The following FAM118A variants were observed in gnomAD, a reference collection of about 807,000 sequenced individuals.
The protein encoded by FAM118A is SIR2 antiphage like 2.
Under a neutral mutation model 38.2 loss-of-function variants are expected in FAM118A, and 25 were observed. The observed-to-expected ratio is 0.65, with a 90% CI of 0.48 to 0.91. The LOEUF (loss-of-function observed/expected upper bound fraction) is 0.91. Among genes scored for constraint, FAM118A ranks in the 40% least tolerant of loss-of-function variants. The pLI, the probability that FAM118A is intolerant of heterozygous loss-of-function variation, is 0.00. For missense variants in FAM118A, 425 were observed against 463.3 expected (o/e 0.92, Z 0.76); for synonymous variants, 178 against 184.1 (o/e 0.97, Z 0.27).
intron 3 of FAM118A, among the ~76,000 whole-genome samples, chr22:45,326,144 C>T (rs1739438491): frequency 6.6e-6 from 1 of 152,140 alleles, no homozygotes; most frequent in Admixed American, 6.5e-5. Flanking sequence ...GGGAGCCGGG[C>T]AGAGGGGACC....
intron 1 of FAM118A, among the ~76,000 whole-genome samples, chr22:45,310,846 G>A (rs898858153): frequency 2.6e-5 from 4 of 151,870 alleles, no homozygotes; most frequent in Non-Finnish European, 5.9e-5. Flanking sequence ...CGGCCGAACC[G>A]GGGAGGGAGC....
chr22:45,314,111 C>G (rs966029523), intron 1 of FAM118A, among the ~76,000 whole-genome samples: 9 of 152,176 alleles, frequency 5.9e-5, no homozygotes, highest in African/African-American at 2.2e-4. Flanking sequence ...TGTATCCTAC[C>G]TCCTTCCCCC....
At chr22:45,311,563 T>C (rs547279866) in intron 1 of FAM118A, among the ~76,000 whole-genome samples, 1 of 151,866 alleles carries the variant, frequency 6.6e-6, no homozygotes. Context: ...AAAGAGGGTG[T>C]GATTCTGAGA....
rs747561019 is a variant in FAM118A, at chr22:45,327,842, C to T, written c.301C>T (p.Arg101Cys). ...AHDLIRKMSP[R>C]TGDAKPSFFQ... ...TAACTGTCGTTCCACCTTTTTGTAGCGCACAGGCGATGCCAAGCCCAGCTT... is the reference window on the plus strand; with the variant it reads ...TAACTGTCGTTCCACCTTTTTGTAGTGCACAGGCGATGCCAAGCCCAGCTT... Residue 101 changes from arginine (R) to cysteine (C), a missense_variant and splice_region_variant, in exon 4 of 9, where the codon CGC (arginine) becomes TGC (cysteine). Coordinates refer to ENST00000441876, the MANE Select transcript of FAM118A (RefSeq NM_017911.4). 1.9e-5 allele frequency: 30 copies of T among 1,614,154 alleles called. No homozygotes were observed. The highest frequency in any genetic ancestry group is 2.2e-5 in the East Asian group (1 of 44,888).
In FAM118A at chr22:45,336,382, T is replaced by C; in HGVS notation, c.1025T>C (p.Val342Ala). The C allele has an allele frequency of 6.2e-7, 1 of 1,614,080 alleles. No homozygotes were observed. Among genetic ancestry groups the C allele is most frequent in the Non-Finnish European group, 8.5e-7 (1 of 1,179,944 alleles). ...AAGTTAGAAGAGAATGGAATTGAAG[T>C]TTCAAAAAAACGCACACAATCAGAT... Reference protein sequence around the residue: ...KRKLEENGIEVSKKRTQSDTD... With the variant: ...KRKLEENGIEASKKRTQSDTD... Residue 342 changes from valine to alanine, a missense_variant, in exon 8 of 9, where the codon GTT (valine) becomes GCT (alanine). Coordinates refer to ENST00000441876, the MANE Select transcript of FAM118A (RefSeq NM_017911.4).
intron 1 of FAM118A, 91 bp from the exon 2 acceptor site, chr22:45,322,279 AT>A (rs1282944084): frequency 6.3e-7 from 1 of 1,584,730 alleles, no homozygotes; most frequent in Non-Finnish European, 8.6e-7. Context: ...AGGACCTTTG[AT>A]TTTAATTCTA....
rs538686787 is a variant in FAM118A, at chr22:45,323,838, T to C, written c.300+411T>C. On this transcript the variant is annotated intron_variant, in intron 3 of 8. Transcript: ENST00000441876. ...ATCTGAAGATGGGAGAAGTTCCAGCTTCTTTGTCTGCTGCAGAGATGATCT... is the reference window on the plus strand; with the variant it reads ...ATCTGAAGATGGGAGAAGTTCCAGCCTCTTTGTCTGCTGCAGAGATGATCT... Among the ~76,000 whole-genome samples the C allele has an allele frequency of 1.1e-4, 17 of 152,374 alleles. No individual in the cohort carries two copies. The South Asian group carries it at 1.2e-3, about 11-fold the overall frequency.
chr22:45,330,350 A>G, intron 4 of FAM118A: 1 of 244,202 alleles, frequency 4.1e-6, no homozygotes, highest in Non-Finnish European at 7.8e-6. Flanking sequence ...TCATGGGACC[A>G]GCATGACTGG....
chr22:45,323,177 A>G lies in FAM118A; in HGVS notation c.50A>G (p.Lys17Arg). Residue 17 changes from lysine to arginine, a missense_variant and splice_region_variant, in exon 3 of 9, where the codon AAG (lysine) becomes AGG (arginine). Lys to Arg is a conservative substitution (Grantham distance 26, BLOSUM62 2). Coordinates refer to ENST00000441876, the MANE Select transcript of FAM118A (RefSeq NM_017911.4). ...TTNRSEQKSR[K>R]FLKSLIRKQP... ...CTTGCTCCCTTCTTTTCAAGTAGAA[A>G]GTTTTTAAAAAGCCTCATCCGGAAA... The G allele has an allele frequency of 6.2e-7, 1 of 1,607,980 alleles. No individual in the cohort carries two copies. The highest frequency in any genetic ancestry group is 8.5e-7 in the Non-Finnish European group (1 of 1,175,114).
intron 5 of FAM118A, 50 bp downstream of exon 5, chr22:45,330,781 T>G: frequency 6.9e-7 from 1 of 1,455,454 alleles, no homozygotes; most frequent in Non-Finnish European, 9.1e-7. Flanking sequence ...GGATTACTGG[T>G]GGCCACTGGC....
At chr22:45,327,647 T>C (rs1488720346) in intron 3 of FAM118A, among the ~76,000 whole-genome samples, 195 bp from the exon 4 acceptor site, 1 of 152,192 alleles carries the variant, frequency 6.6e-6, no homozygotes, top group Non-Finnish European at 1.5e-5. Flanking sequence ...TGCTTTCCTG[T>C]GGCAGCGTCA....
chr22:45,337,211 C>G (rs1007782347), intron 8 of FAM118A, among the ~76,000 whole-genome samples: 2 of 152,216 alleles, frequency 1.3e-5, no homozygotes, highest in Non-Finnish European at 2.9e-5. Context: ...TGTCGGTCTC[C>G]GTGGTGACAG....
At chr22:45,312,889 T>G (rs1311227772) in intron 1 of FAM118A, among the ~76,000 whole-genome samples, 1 of 152,176 alleles carries the variant, frequency 6.6e-6, no homozygotes, top group East Asian at 1.9e-4. Flanking sequence ...CCCAGCCCTT[T>G]TATGCCTTTT....
intron 8 of FAM118A, among the ~76,000 whole-genome samples, 176 bp downstream of exon 8, chr22:45,336,587 C>T (rs1167976722): frequency 6.6e-6 from 1 of 152,164 alleles, no homozygotes; most frequent in Non-Finnish European, 1.5e-5. Context: ...TGACCTCTCA[C>T]CCCAACCCGA....
intron 8 of FAM118A, among the ~76,000 whole-genome samples, chr22:45,336,712 T>C (rs1018479759): frequency 1.3e-5 from 2 of 152,170 alleles, no homozygotes; most frequent in African/African-American, 4.8e-5. Flanking sequence ...GTTAAAAAGA[T>C]GAATAAAAAG....
intron 4 of FAM118A, chr22:45,329,598 TGGCC>T (rs1276789429): frequency 1.3e-5 from 2 of 152,294 alleles, no homozygotes; most frequent in Non-Finnish European, 1.5e-5. Context: ...GGTAAGGCCC[TGGCC>T]CCGCTCTGTG....
chr22:45,329,442 A>G (rs903153660), intron 4 of FAM118A: 2 of 152,256 alleles, frequency 1.3e-5, no homozygotes, highest in African/African-American at 4.8e-5. Flanking sequence ...GAAATTTTCA[A>G]CATTGATTTC....
At chr22:45,336,054 T>C (rs2086070166) in intron 7 of FAM118A, among the ~76,000 whole-genome samples, 1 of 152,188 alleles carries the variant, frequency 6.6e-6, no homozygotes, top group South Asian at 2.1e-4. Context: ...CACATCCATG[T>C]TAGTGGTGCA....
At chr22:45,334,779 CAT>C (rs1277071425) in intron 6 of FAM118A, among the ~76,000 whole-genome samples, 3 of 152,210 alleles carry the variant, frequency 2.0e-5, no homozygotes, top group African/African-American at 7.2e-5. Context: ...CACCGGCCCA[CAT>C]GTGTGGCTCT....
Sources: allele counts gnomAD v4.1 joint callset (sites outside exome capture counted in the v4.1 genomes callset), GRCh38; gene constraint gnomAD v4.1.1; transcripts MANE v1.5; gene names NCBI Gene and HGNC (gene_info 2026-07-23, HGNC 2026-07-21).